ZFAND4: variants seen among roughly 807,000 people sequenced by gnomAD.
ZFAND4 encodes the protein AN1-type zinc finger protein 4.
In ZFAND4, 43 loss-of-function variants were observed where a neutral mutation model predicts 64.4. The ratio of observed to expected loss-of-function variants is 0.67; its 90% CI spans 0.52 to 0.86. The LOEUF (loss-of-function observed/expected upper bound fraction) is 0.86. Ranked by LOEUF, ZFAND4 falls within the 40% of genes least tolerant of loss-of-function variation. ZFAND4 has a pLI of 0.00. For missense variants in ZFAND4, 929 were observed against 859.8 expected, an observed-to-expected ratio of 1.08 and a Z score of -1.01; for synonymous variants, 296 against 305.7, an observed-to-expected ratio of 0.97 and a Z score of 0.33.
chr10:45,668,618 C>T (rs1464470788), intron 1 of ZFAND4, among the ~76,000 whole-genome samples: 4 of 152,204 alleles, frequency 2.6e-5, no homozygotes, highest in African/African-American at 7.2e-5. Flanking sequence ...CCACATCGCA[C>T]TTATTCCAAA....
intron 1 of ZFAND4, among the ~76,000 whole-genome samples, chr10:45,668,902 T>C (rs944061485): frequency 1.3e-5 from 2 of 152,304 alleles, no homozygotes; most frequent in Middle Eastern, 3.4e-3. Flanking sequence ...TAAAGCAGTG[T>C]GTACAGGGAA....
In ZFAND4 at chr10:45,637,017, A is replaced by G. The variant is rs1264875028; in HGVS notation, c.717+2799T>C. On this transcript the variant is annotated intron_variant, in intron 6 of 9. Coordinates refer to ENST00000344646, the MANE Select transcript of ZFAND4 (RefSeq NM_174890.4). ...TGTTCCCCATCAGAAAAAAAAAAAA[A>G]AAAGATCTTTACCCCACTTTACGTT... Among the ~76,000 whole-genome samples the G allele has an allele frequency of 2.0e-5, 3 of 151,998 alleles. No individual in the cohort carries two copies. In the East Asian group the frequency reaches 5.8e-4, roughly 29 times the overall value.
intron 7 of ZFAND4, among the ~76,000 whole-genome samples, 162 bp downstream of exon 7, chr10:45,625,789 G>A (rs776435712): frequency 6.6e-6 from 1 of 151,906 alleles, no homozygotes; most frequent in Non-Finnish European, 1.5e-5. Flanking sequence ...TTCAAAATTC[G>A]ACTATCAAGA....
intron 6 of ZFAND4, among the ~76,000 whole-genome samples, chr10:45,632,388 G>A (rs1290225545): frequency 6.6e-6 from 1 of 151,440 alleles, no homozygotes; most frequent in Non-Finnish European, 1.5e-5. Context: ...TAAAAAGGAT[G>A]GAATAAAATT....
rs898857706 is a variant in ZFAND4 at position 45,663,416 on chromosome 10, T to C, written c.184+126A>G. 7 of 668,546 alleles carry C rather than the reference T, an allele frequency of 1.0e-5. No individual in the cohort carries two copies. In the Middle Eastern group the frequency reaches 1.3e-3, roughly 121 times the overall value. The allele number at this position is 668,546 out of a possible 1,614,324, so 41.4% of individuals were successfully genotyped here. On this transcript the variant is annotated intron_variant, in intron 2 of 9. Transcript: ENST00000344646. ...GTTGGAGAGAGGGAGTAGGAGGGGG[T>C]TCATTATCTTATTCTAACATCATAT...
intron 2 of ZFAND4, among the ~76,000 whole-genome samples, chr10:45,653,360 AG>A (rs758156159): frequency 2.0e-5 from 3 of 152,350 alleles, no homozygotes; most frequent in East Asian, 1.9e-4. Context: ...GCACAGCAAA[AG>A]AAACTATCAA....
intron 4 of ZFAND4, among the ~76,000 whole-genome samples, chr10:45,649,959 A>G (rs1367307554): frequency 3.3e-5 from 5 of 152,224 alleles, no homozygotes; most frequent in African/African-American, 1.2e-4. Context: ...GGATCTTCTC[A>G]TAACAGAAAA....
At chr10:45,666,668 T>C (rs2048846556) in intron 1 of ZFAND4, among the ~76,000 whole-genome samples, 1 of 152,360 alleles carries the variant, frequency 6.6e-6, no homozygotes, top group South Asian at 2.1e-4. Context: ...AGGTGTACTG[T>C]CCAATTTCAA....
chr10:45,662,525 A>C, intron 2 of ZFAND4: 1 of 903,384 alleles, frequency 1.1e-6, no homozygotes, highest in Non-Finnish European at 1.3e-6. Flanking sequence ...AAACTATGAT[A>C]TAAATTGCAA....
intron 1 of ZFAND4, among the ~76,000 whole-genome samples, chr10:45,669,692 C>T (rs993084589): frequency 2.0e-5 from 3 of 152,150 alleles, no homozygotes; most frequent in Non-Finnish European, 4.4e-5. Context: ...ATGATCAAGT[C>T]GGCCTCATCC....
At chr10:45,625,473 C>CAAA (rs1195950172) in intron 7 of ZFAND4, among the ~76,000 whole-genome samples, 12 of 53,000 alleles carry the variant, frequency 2.3e-4, no homozygotes, top group African/African-American at 3.3e-4. Flanking sequence ...GACTCCGTCT[C>CAAA]AAAAAAAAAA....
rs760666004 is a variant in ZFAND4, at chr10:45,626,905, C to CTA, written c.917_918insTA (p.Glu306AspfsTer67). On this transcript the variant is annotated frameshift_variant, in exon 7 of 10. Transcript: ENST00000344646. LOFTEE classifies it high-confidence loss of function. Reference sequence around the variant, plus strand: ...CACCAGTGATAGAAGATATGTATCTCTCAGCAGAGAGTTGAGTTGCCAAAC... The same window carrying CTA: ...CACCAGTGATAGAAGATATGTATCTCTATCAGCAGAGAGTTGAGTTGCCAAAC... 4.3e-6 allele frequency: 7 copies of CTA among 1,614,226 alleles called. No homozygotes were observed. Among genetic ancestry groups the CTA allele is most frequent in the Non-Finnish European group, 5.9e-6 (7 of 1,180,040 alleles).
intron 7 of ZFAND4, among the ~76,000 whole-genome samples, chr10:45,625,105 A>T (rs2045703362): frequency 6.6e-6 from 1 of 150,514 alleles, no homozygotes; most frequent in African/African-American, 2.5e-5. Flanking sequence ...TGAGCCCTGG[A>T]GGTCAAGGCT....
At chr10:45,641,284 A>C (rs2046981394) in intron 5 of ZFAND4, among the ~76,000 whole-genome samples, 1 of 152,256 alleles carries the variant, frequency 6.6e-6, no homozygotes, top group South Asian at 2.1e-4. Flanking sequence ...TAAGACTTTA[A>C]ATAAAGCAAA....
intron 6 of ZFAND4, among the ~76,000 whole-genome samples, chr10:45,629,130 G>A (rs2046040215): frequency 6.6e-6 from 1 of 152,018 alleles, no homozygotes; most frequent in Non-Finnish European, 1.5e-5. Context: ...AGGCTAGAGT[G>A]CAGTGGTACA....
At chr10:45,625,147 A>T (rs2045706325) in intron 7 of ZFAND4, among the ~76,000 whole-genome samples, 1 of 150,350 alleles carries the variant, frequency 6.7e-6, no homozygotes, top group Admixed American at 6.6e-5. Context: ...ACTGTGCTCC[A>T]GCCTGGGTGA....
chr10:45,630,961 T>TA lies in ZFAND4; in HGVS notation c.718-3857dup, dbSNP rs1378126279. Among the ~76,000 whole-genome samples the TA allele has an allele frequency of 5.8e-3, 717 of 123,614 alleles. 11 individuals carry two copies. In the East Asian group the frequency reaches 0.061, roughly 11 times the overall value. 81.1% of individuals were successfully genotyped at this position (123,614 alleles called of 152,430 possible). ...GGGTGACACTGCAAGACCCTGTCTT[T>TA]AAAAAAAAAAAAAAAGAAAGAAAGA... is the stretch of plus-strand genomic sequence containing the variant. On this transcript the variant is annotated intron_variant, in intron 6 of 9. Transcript: ENST00000344646.
chr10:45,627,087 T>C lies in ZFAND4; in HGVS notation c.736A>G (p.Ile246Val). The stretch of plus-strand genomic sequence containing the variant: ...GGAGCTACAGGTGGGTGAGGTTTTA[T>C]CTTGACAGCTTTCTTAGGCTAAAAG... The part of the protein sequence containing the change: ...LSKKPKKAVK[I>V]KPHPPVAPRP... The change falls in exon 7 of 10, where the codon ATA (isoleucine) becomes GTA (valine). Residue 246 changes from isoleucine to valine, a missense_variant. Ile to Val is a conservative substitution (Grantham distance 29). Coordinates refer to ENST00000344646, the MANE Select transcript of ZFAND4 (RefSeq NM_174890.4). The C allele has an allele frequency of 6.5e-7, 1 of 1,541,878 alleles. No homozygotes were observed. Among genetic ancestry groups the C allele is most frequent in the Non-Finnish European group, 8.7e-7 (1 of 1,146,206 alleles).
At chr10:45,627,207 AT>A in intron 6 of ZFAND4, 102 bp from the exon 7 acceptor site, 1 of 796,068 alleles carries the variant, frequency 1.3e-6, no homozygotes, top group Non-Finnish European at 1.8e-6. Context: ...ACATACTAGC[AT>A]TTTTACTATC....
Sources: allele counts gnomAD v4.1 joint callset (sites outside exome capture counted in the v4.1 genomes callset), GRCh38; gene constraint gnomAD v4.1.1; transcripts MANE v1.5; gene names NCBI Gene and HGNC (gene_info 2026-07-23, HGNC 2026-07-21).